Variants in FANK1 observed in about 807,000 individuals in gnomAD.
FANK1 encodes fibronectin type 3 and ankyrin repeat domains protein 1.
A neutral mutation model predicts 45.3 loss-of-function variants in FANK1; 44 were observed. The ratio of observed to expected loss-of-function variants is 0.97; its 90% confidence interval spans 0.76 to 1.25. FANK1 has a LOEUF of 1.25. FANK1 is among the 50% of genes most tolerant of loss of function. The probability of loss-of-function intolerance (pLI) is 0.00; values close to 1 mark genes in which losing one functional copy is unlikely to be tolerated. For missense variants in FANK1, 391 were observed against 424.4 expected (o/e 0.92, Z 0.69); for synonymous variants, 149 against 152.5 (o/e 0.98, Z 0.17).
At chr10:125,905,155 AAAAAC>A (rs1945397273) in intron 1 of FANK1, among the ~76,000 whole-genome samples, 1 of 126,636 alleles carries the variant, frequency 7.9e-6, no homozygotes, top group Non-Finnish European at 1.8e-5. Context: ...AAAAAACAAA[AAAAAC>A]GTTTCTGTAG....
chr10:125,926,450 A>G (rs1225525837), intron 1 of FANK1, among the ~76,000 whole-genome samples: 1 of 152,292 alleles, frequency 6.6e-6, no homozygotes, highest in Non-Finnish European at 1.5e-5. Context: ...TCTTATAGTC[A>G]CAAACACGTT....
At chr10:125,945,077 T>C (rs72837794) in intron 1 of FANK1, among the ~76,000 whole-genome samples, 325 of 152,290 alleles carry the variant, frequency 2.1e-3, no homozygotes, top group Non-Finnish European at 3.5e-3. Flanking sequence ...AACGGTAAAG[T>C]GCATTATAAT....
intron 1 of FANK1, among the ~76,000 whole-genome samples, chr10:125,911,816 C>T (rs74539692): frequency 1.3e-5 from 2 of 152,006 alleles, no homozygotes; most frequent in African/African-American, 2.4e-5. Context: ...TTCAGAGTTA[C>T]GCCTGGGTCC....
At chr10:125,964,970 C>T (rs1178559447) in intron 1 of FANK1, among the ~76,000 whole-genome samples, 1 of 152,190 alleles carries the variant, frequency 6.6e-6, no homozygotes, top group Non-Finnish European at 1.5e-5. Context: ...ACCAGCCTGA[C>T]TAACATGCAG....
intron 1 of FANK1, among the ~76,000 whole-genome samples, chr10:125,944,363 T>C (rs1948637318): frequency 6.6e-6 from 1 of 152,242 alleles, no homozygotes; most frequent in African/African-American, 2.4e-5. Context: ...CAGGCACTCA[T>C]GTAAAAATTG....
intron 1 of FANK1, among the ~76,000 whole-genome samples, chr10:125,938,963 T>C (rs1006328839): frequency 6.6e-6 from 1 of 152,186 alleles, no homozygotes; most frequent in African/African-American, 2.4e-5. Flanking sequence ...AACTCCACTG[T>C]AACCAAGTCA....
At chr10:125,926,220 A>G (rs1368546761) in intron 1 of FANK1, among the ~76,000 whole-genome samples, 1 of 152,174 alleles carries the variant, frequency 6.6e-6, no homozygotes, top group Non-Finnish European at 1.5e-5. Flanking sequence ...TTAAGAAATA[A>G]TAGAAATCCC....
Position 126,008,395 on chromosome 10 carries a change from C to T in FANK1, c.706-12C>T. The T allele has an allele frequency of 6.3e-7, 1 of 1,577,928 alleles. No individual in the cohort carries two copies. The highest frequency in any genetic ancestry group is 8.6e-7 in the Non-Finnish European group (1 of 1,164,816). ...AATTGGGCTCAACACAGCTGTTTCT[C>T]TGGCCCAACAGGTAGACGTCGTGGA... On this transcript the variant is annotated splice_polypyrimidine_tract_variant and intron_variant, in intron 7 of 10. Transcript: ENST00000368693.
intron 1 of FANK1, among the ~76,000 whole-genome samples, chr10:125,914,295 A>ATATATATATATATATATAT (rs1946274486): frequency 1.3e-5 from 2 of 151,028 alleles, no homozygotes; most frequent in African/African-American, 2.4e-5. Context: ...ATATATATTT[A>ATATATATATATATATATAT]AAAAGTCTCA....
At chr10:125,936,535 A>G (rs1051980802) in intron 1 of FANK1, among the ~76,000 whole-genome samples, 1 of 151,748 alleles carries the variant, frequency 6.6e-6, no homozygotes, top group Non-Finnish European at 1.5e-5. Context: ...CACAGCCCTG[A>G]CTTCTAACAC....
intron 7 of FANK1, among the ~76,000 whole-genome samples, chr10:126,007,877 G>C (rs1236860971): frequency 6.6e-6 from 1 of 152,222 alleles, no homozygotes. Flanking sequence ...TCAGGAAACA[G>C]CCATCTGATT....
At chr10:125,957,019 C>T (rs532343365) in intron 1 of FANK1, among the ~76,000 whole-genome samples, 88 of 152,234 alleles carry the variant, frequency 5.8e-4, no homozygotes, top group African/African-American at 1.8e-3. Flanking sequence ...CCAGCACACC[C>T]GGCTGTTTTC....
intron 1 of FANK1, among the ~76,000 whole-genome samples, chr10:125,941,984 A>T (rs771997977): frequency 1.1e-4 from 16 of 152,252 alleles, no homozygotes; most frequent in Non-Finnish European, 2.4e-4. Flanking sequence ...CACTGGTATT[A>T]GTAATGTTCT....
chr10:125,934,026 T>G (rs1405234628), intron 1 of FANK1, among the ~76,000 whole-genome samples: 1 of 152,160 alleles, frequency 6.6e-6, no homozygotes, highest in African/African-American at 2.4e-5. Context: ...CTTCTTAAAT[T>G]TATTGAGGCT....
intron 1 of FANK1, among the ~76,000 whole-genome samples, chr10:125,952,338 G>C (rs78187994): frequency 0.02 from 3,116 of 152,180 alleles, 55 homozygotes; most frequent in South Asian, 0.061. Context: ...TTGGTGTTTG[G>C]GTGTTTGCCC....
At position 125,999,203 on chromosome 10, in the gene FANK1, T is replaced by TG. The variant is rs59343200; in HGVS notation, c.539+1718_539+1719insG. ...GCATGTATGTTAAAAAGTATCTTTT[T>TG]TTTTTTTTTTTTTTGAGACGGAATC... On this transcript the variant is annotated intron_variant, in intron 6 of 10. Transcript: ENST00000368693. Among the ~76,000 whole-genome samples the TG allele has an allele frequency of 3.7e-3, 514 of 138,962 alleles. 1 individual carries two copies. Among genetic ancestry groups the TG allele is most frequent in the African/African-American group, 0.015 (477 of 32,872 alleles). The allele number at this position is 138,962 out of a possible 152,430, so 91.2% of individuals were successfully genotyped here.
chr10:125,968,210 G>C (rs1950294723), intron 1 of FANK1, among the ~76,000 whole-genome samples: 1 of 151,824 alleles, frequency 6.6e-6, no homozygotes, highest in Non-Finnish European at 1.5e-5. Context: ...CTCTCACCTT[G>C]GCCTCCAAAA....
At chr10:125,934,541 C>A (rs1018802339) in intron 1 of FANK1, among the ~76,000 whole-genome samples, 4 of 151,628 alleles carry the variant, frequency 2.6e-5, no homozygotes, top group Non-Finnish European at 5.9e-5. Context: ...GAATTCCAGT[C>A]CTGCGTGAAT....
At chr10:125,988,208 A>T (rs1395393188) in intron 2 of FANK1, among the ~76,000 whole-genome samples, 1 of 152,212 alleles carries the variant, frequency 6.6e-6, no homozygotes, top group African/African-American at 2.4e-5. Flanking sequence ...AAAATTACAA[A>T]TATATGATTT....
Sources: gnomAD v4.1 joint callset for allele counts (sites outside exome capture counted in the v4.1 genomes callset) on GRCh38, gnomAD v4.1.1 for gene constraint, MANE v1.5 for transcripts, NCBI Gene and HGNC (gene_info 2026-07-23, HGNC 2026-07-21) for gene names.